The following PTPRK variants were observed in gnomAD, a reference collection of about 807,000 sequenced individuals.
The protein encoded by PTPRK is protein tyrosine phosphatase receptor type K.
Under a neutral mutation model 178.0 loss-of-function variants are expected in PTPRK, and 75 were observed. That is an observed-to-expected ratio of 0.42 (90% CI 0.35 to 0.51). The LOEUF (loss-of-function observed/expected upper bound fraction) is 0.51. Ranked by LOEUF, PTPRK falls within the 20% of genes least tolerant of loss-of-function variation. PTPRK has a pLI of 0.02. For synonymous variants in PTPRK, 637 were observed against 620.6 expected, an observed-to-expected ratio of 1.03 and a Z score of -0.39; for missense variants, 1,441 against 1,797.8, an observed-to-expected ratio of 0.80 and a Z score of 3.59.
At chr6:128,408,126 G>A (rs767695075) in intron 1 of PTPRK, among the ~76,000 whole-genome samples, 5 of 152,158 alleles carry the variant, frequency 3.3e-5, no homozygotes, top group Admixed American at 2.0e-4. Context: ...AGTGGCTCAC[G>A]CCTGTAATCC....
chr6:128,492,624 A>G (rs977526743), intron 1 of PTPRK, among the ~76,000 whole-genome samples: 1 of 152,226 alleles, frequency 6.6e-6, no homozygotes, highest in Non-Finnish European at 1.5e-5. Flanking sequence ...AAGTAAATAC[A>G]CTTGCCGCAG....
At chr6:128,189,192 T>A (rs1264718802) in intron 6 of PTPRK, among the ~76,000 whole-genome samples, 1 of 151,474 alleles carries the variant, frequency 6.6e-6, no homozygotes, top group Non-Finnish European at 1.5e-5. Flanking sequence ...GCAGATTATT[T>A]AAGAGTTAAT....
chr6:128,200,764 A>T (rs1484715136), intron 6 of PTPRK, among the ~76,000 whole-genome samples: 1 of 149,548 alleles, frequency 6.7e-6, no homozygotes, highest in Non-Finnish European at 1.5e-5. Flanking sequence ...GCTGAAAATG[A>T]GAAGTCAATG....
At chr6:128,303,503 A>T (rs181714611) in intron 3 of PTPRK, among the ~76,000 whole-genome samples, 1 of 152,314 alleles carries the variant, frequency 6.6e-6, no homozygotes, top group East Asian at 1.9e-4. Flanking sequence ...ATTTCTCATC[A>T]GTTCTCTTCC....
chr6:128,103,467 C>G (rs1285529314), intron 7 of PTPRK, among the ~76,000 whole-genome samples: 2 of 152,114 alleles, frequency 1.3e-5, no homozygotes, highest in African/African-American at 4.8e-5. Flanking sequence ...GTCACAGGCA[C>G]CCACCCCTAG....
Position 128,322,258 on chromosome 6 carries a change from T to C in PTPRK, c.276A>G (p.Arg92=). 1.2e-6 allele frequency: 2 copies of C among 1,610,104 alleles called. No homozygotes were observed. Among genetic ancestry groups the C allele is most frequent in the Non-Finnish European group, 1.7e-6 (2 of 1,176,412 alleles). Residue 92 remains arginine (R), a synonymous_variant, in exon 3 of 30, where the codon AGA becomes AGG. Transcript: ENST00000368226. The part of the protein sequence containing the change: ...SSDHDPGEKA[R]LQLPTMKEND... ...TCTCCTTCATTGTAGGCAGCTGAAGTCTGGCTTTTTCTCCAGGGTCGTGAT... is the reference window on the plus strand; with the variant it reads ...TCTCCTTCATTGTAGGCAGCTGAAGCCTGGCTTTTTCTCCAGGGTCGTGAT...
intron 19 of PTPRK, 31 bp downstream of exon 19, chr6:127,992,642 T>C (rs202064485): frequency 6.4e-7 from 1 of 1,567,336 alleles, no homozygotes; most frequent in Non-Finnish European, 8.6e-7. Flanking sequence ...AGTTTGTTTT[T>C]TCTATAACAT....
chr6:128,377,373 T>G (rs893358546), intron 2 of PTPRK, among the ~76,000 whole-genome samples: 1 of 151,956 alleles, frequency 6.6e-6, no homozygotes, highest in African/African-American at 2.4e-5. Flanking sequence ...CCATCAGATC[T>G]CGTAAGACCC....
At chr6:128,001,365 T>C (rs943766964) in intron 15 of PTPRK, among the ~76,000 whole-genome samples, 1 of 151,952 alleles carries the variant, frequency 6.6e-6, no homozygotes, top group Non-Finnish European at 1.5e-5. Context: ...GATGCAAAAC[T>C]CTAAAGACCA....
intron 7 of PTPRK, among the ~76,000 whole-genome samples, chr6:128,159,469 G>C (rs1367953560): frequency 6.6e-6 from 1 of 151,788 alleles, no homozygotes; most frequent in African/African-American, 2.4e-5. Context: ...TGCATAACAT[G>C]ATAAAGCTGA....
At chr6:128,053,345 G>A (rs570153534) in intron 13 of PTPRK, among the ~76,000 whole-genome samples, 1 of 152,058 alleles carries the variant, frequency 6.6e-6, no homozygotes, top group Admixed American at 6.5e-5. Context: ...ATCAACCTCT[G>A]CCTGGAAGTT....
chr6:128,336,439 A>T (rs3927672), intron 2 of PTPRK, among the ~76,000 whole-genome samples: 18 of 152,284 alleles, frequency 1.2e-4, no homozygotes, highest in Non-Finnish European at 2.2e-4. Context: ...TCAAGCACAG[A>T]TGTCCTTCCC....
chr6:128,135,114 A>ACACACACACT (rs1175958889), intron 7 of PTPRK, among the ~76,000 whole-genome samples: 6 of 149,762 alleles, frequency 4.0e-5, no homozygotes, highest in African/African-American at 1.2e-4. Flanking sequence ...ACACACACAC[A>ACACACACACT]CTCTCCTAAT....
At chr6:128,165,585 G>A (rs1799284461) in intron 7 of PTPRK, among the ~76,000 whole-genome samples, 1 of 150,660 alleles carries the variant, frequency 6.6e-6, no homozygotes, top group South Asian at 2.1e-4. Flanking sequence ...GTATTTATAT[G>A]AATATATAAA....
chr6:127,988,713 T>G (rs972661001), intron 21 of PTPRK, among the ~76,000 whole-genome samples: 4 of 152,114 alleles, frequency 2.6e-5, no homozygotes, highest in African/African-American at 9.7e-5. Flanking sequence ...CTGTGTTTTC[T>G]AATATTGTAT....
intron 3 of PTPRK, among the ~76,000 whole-genome samples, chr6:128,293,397 A>G (rs1178333160): frequency 6.6e-6 from 1 of 152,008 alleles, no homozygotes; most frequent in East Asian, 1.9e-4. Flanking sequence ...AACAAAACAA[A>G]ACCCCACAAG....
intron 6 of PTPRK, among the ~76,000 whole-genome samples, chr6:128,205,553 G>T (rs1399709097): frequency 1.3e-5 from 2 of 151,614 alleles, no homozygotes; most frequent in Non-Finnish European, 2.9e-5. Context: ...GGTGTTTGAG[G>T]TCCAGGTCAG....
chr6:128,449,121 A>C (rs1393274601), intron 1 of PTPRK, among the ~76,000 whole-genome samples: 2 of 151,928 alleles, frequency 1.3e-5, no homozygotes, highest in East Asian at 1.9e-4. Flanking sequence ...CGGCCTCCCA[A>C]AGTGCTGGGA....
At chr6:128,037,527 C>T (rs73773993) in intron 13 of PTPRK, among the ~76,000 whole-genome samples, 3,273 of 152,198 alleles carry the variant, frequency 0.022, 106 homozygotes, top group African/African-American at 0.075. Flanking sequence ...TTTACAAAAT[C>T]AGATCTGGAG....
Sources: gnomAD v4.1 joint callset for allele counts (sites outside exome capture counted in the v4.1 genomes callset) on GRCh38, gnomAD v4.1.1 for gene constraint, MANE v1.5 for transcripts, NCBI Gene and HGNC (gene_info 2026-07-23, HGNC 2026-07-21) for gene names.